Variants in TOPORS observed in about 807,000 individuals in gnomAD.
TOPORS encodes TOP1 binding arginine/serine rich protein, E3 ubiquitin ligase.
A neutral mutation model predicts 81.4 loss-of-function variants in TOPORS; 25 were observed. That is an observed-to-expected ratio of 0.31 (90% CI 0.22 to 0.43). TOPORS has a LOEUF of 0.43. Ranked by LOEUF, TOPORS falls within the 20% of genes least tolerant of loss-of-function variation. The pLI, the probability that TOPORS is intolerant of heterozygous loss-of-function variation, is 1.00. For missense variants in TOPORS, 1,101 were observed against 1,267.0 expected (o/e 0.87, Z 1.99); for synonymous variants, 473 against 456.6 (o/e 1.04, Z -0.46).
rs910357164 is a variant in TOPORS, at chr9:32,542,987, A to G, written c.1538T>C (p.Val513Ala). The G allele has an allele frequency of 3.7e-6, 6 of 1,614,040 alleles. No homozygotes were observed. The African/African-American group carries it at 5.3e-5, about 14-fold the overall frequency. ...DLGSYEKMET[V>A]KTQEQEQSYS... ...AGATTGCTCCTGTTCTTGTGTCTTC[A>G]CTGTCTCCATTTTCTCATAAGAACC... Residue 513 changes from valine (V) to alanine (A), a missense_variant, in exon 3 of 3, where the codon GTG becomes GCG. Val to Ala is a moderately conservative substitution (Grantham distance 64, BLOSUM62 0). Around this residue, in one of 9 missense-constraint regions of TOPORS, gnomAD observed 605 missense variants for 636.1 expected, o/e 0.95. Coordinates refer to ENST00000360538, the MANE Select transcript of TOPORS (RefSeq NM_005802.5).
chr9:32,543,823 A>T lies in TOPORS; in HGVS notation c.702T>A (p.Ile234=). Residue 234 remains isoleucine, a synonymous_variant, in exon 3 of 3, where the codon ATT becomes ATA. Coordinates refer to ENST00000360538, the MANE Select transcript of TOPORS (RefSeq NM_005802.5). This position sits in a 1 kb window ranked among gnomAD's most constrained non-coding sequence, Gnocchi z 5.6. The part of the protein sequence containing the change: ...DVEIPQFMRQ[I]AVRRPTTADE... ...CTGCCGTAGTTGGCCTCCTTACTGC[A>T]ATCTGTCTCATAAACTGAGGAATTT... 6.2e-7 allele frequency: 1 copy of T among 1,614,070 alleles called. No homozygotes were observed. The highest frequency in any genetic ancestry group is 8.5e-7 in the Non-Finnish European group (1 of 1,179,972).
chr9:32,552,276 G>A (rs1343434389), intron 1 of TOPORS, 158 bp downstream of exon 1: 5 of 1,038,276 alleles, frequency 4.8e-6, no homozygotes, highest in African/African-American at 3.2e-5. Context: ...CCCCAACTCC[G>A]GGCGGAAGAG....
intron 1 of TOPORS, 27 bp from the exon 2 acceptor site, chr9:32,550,995 T>C (rs1389895123): frequency 6.2e-6 from 10 of 1,606,320 alleles, no homozygotes; most frequent in South Asian, 2.2e-5. Context: ...TCATCACCAA[T>C]GGCAGCTCGG....
chr9:32,552,263 G>A (rs1821296493), intron 1 of TOPORS, 171 bp downstream of exon 1: 5 of 853,090 alleles, frequency 5.9e-6, no homozygotes, highest in African/African-American at 1.7e-5. Context: ...ACGTGATACC[G>A]CCCCCCAACT....
intron 2 of TOPORS, among the ~76,000 whole-genome samples, chr9:32,549,772 A>T (rs1821199741): frequency 6.6e-6 from 1 of 152,226 alleles, no homozygotes; most frequent in African/African-American, 2.4e-5. Context: ...AAATAGAAAG[A>T]TCACCCAAGT....
chr9:32,547,647 T>G (rs1036444307), intron 2 of TOPORS, among the ~76,000 whole-genome samples: 4 of 152,114 alleles, frequency 2.6e-5, no homozygotes, highest in African/African-American at 9.7e-5. Flanking sequence ...ATGTCCAGAA[T>G]AGGCAAATCT....
At position 32,542,363 on chromosome 9, in the gene TOPORS, C is replaced by T; in HGVS notation, c.2162G>A (p.Arg721Lys). 6.2e-7 allele frequency: 1 copy of T among 1,614,126 alleles called. No homozygotes were observed. Among genetic ancestry groups the T allele is most frequent in the African/African-American group, 1.3e-5 (1 of 75,054 alleles). ...ATGAGCTCTGGACAGAGTCCTCCTC[C>T]TGTAAGATGATTCGTACCCATCCCT... Reference protein sequence around the residue: ...KDRDGYESSYRRRTLSRAHYS... With the variant: ...KDRDGYESSYKRRTLSRAHYS... The change falls in exon 3 of 3, where the codon AGG (arginine) becomes AAG (lysine). Residue 721 changes from arginine (R) to lysine (K), a missense_variant. This residue lies in a region of TOPORS where 605 missense variants were observed against 636.1 expected (regional missense o/e 0.95). Coordinates refer to ENST00000360538, the MANE Select transcript of TOPORS (RefSeq NM_005802.5).
intron 1 of TOPORS, 110 bp from the exon 2 acceptor site, chr9:32,551,078 T>G (rs1332117693): frequency 2.3e-6 from 3 of 1,311,108 alleles, no homozygotes; most frequent in Non-Finnish European, 3.2e-6. Context: ...TCCTCACGCA[T>G]GCGCAGCAGA....
intron 1 of TOPORS, chr9:32,552,156 G>A (rs1821287157): frequency 9.8e-6 from 5 of 510,646 alleles, no homozygotes; most frequent in Non-Finnish European, 1.7e-5. Flanking sequence ...GTGGAGGTAC[G>A]CCTATCTCCT....
At chr9:32,544,801 C>G (rs1821120575) in intron 2 of TOPORS, among the ~76,000 whole-genome samples, 2 of 151,908 alleles carry the variant, frequency 1.3e-5, no homozygotes, top group African/African-American at 4.8e-5. Context: ...TGTTATGCCC[C>G]TTATCTTCCC....
chr9:32,548,733 T>C (rs1193170167), intron 2 of TOPORS, among the ~76,000 whole-genome samples: 1 of 152,176 alleles, frequency 6.6e-6, no homozygotes, highest in East Asian at 1.9e-4. Flanking sequence ...CTTCCTAAAC[T>C]GTCTCCCAAA....
rs979376046 is a variant in TOPORS at position 32,541,068 on chromosome 9, A to G, written c.*319T>C. ...AATACTCATTGACTACCTTAAAAAT[A>G]TGTCAATACCGTATGGCTTTATGAA... On this transcript the variant is annotated 3_prime_UTR_variant, in exon 3 of 3. Transcript: ENST00000360538. 1.0e-5 allele frequency: 2 copies of G among 191,326 alleles called. No individual in the cohort carries two copies. Among genetic ancestry groups the G allele is most frequent in the African/African-American group, 4.7e-5 (2 of 42,234 alleles). 11.9% of individuals were successfully genotyped at this position (191,326 alleles called of 1,614,324 possible).
rs1443396011 is a variant in TOPORS at position 32,540,552 on chromosome 9, G to A, written c.*835C>T. On this transcript the variant is annotated 3_prime_UTR_variant, in exon 3 of 3. Coordinates refer to ENST00000360538, the MANE Select transcript of TOPORS (RefSeq NM_005802.5). ...TACCAATGTAAAAGAAGTATGACAAGGGTTTTTCATGTTTATTTAGCAAGT... is the reference window on the plus strand; with the variant it reads ...TACCAATGTAAAAGAAGTATGACAAAGGTTTTTCATGTTTATTTAGCAAGT... The A allele has an allele frequency of 6.6e-6, 1 of 152,128 alleles. No homozygotes were observed. Among genetic ancestry groups the A allele is most frequent in the Non-Finnish European group, 1.5e-5 (1 of 68,026 alleles). The allele number at this position is 152,128 out of a possible 1,614,324, so 9.4% of individuals were successfully genotyped here. A position where few individuals can be genotyped will look rare whatever the true frequency, so the allele number is the denominator to read the frequency against.
In TOPORS at chr9:32,550,928, T is replaced by G. The variant is rs1323735656; in HGVS notation, c.44A>C (p.Glu15Ala). 1 of 1,612,324 alleles carries G rather than the reference T, an allele frequency of 6.2e-7. No homozygotes were observed. Among genetic ancestry groups the G allele is most frequent in the Admixed American group, 1.7e-5 (1 of 60,012 alleles). ...GGGAGCAGGCGGGGGCGCTTCACCC[T>G]CCTCGCGAGACAGCGGAGACCCCAG... is the stretch of plus-strand genomic sequence containing the variant. ...PPLGSPLSRE[E>A]GEAPPPAPAS... is the part of the protein sequence containing the mutation. Residue 15 changes from glutamate to alanine, a missense_variant, in exon 2 of 3, where the codon GAG (glutamate) becomes GCG (alanine). By Grantham distance (107) the Glu-to-Ala change is moderately radical. Coordinates refer to ENST00000360538, the MANE Select transcript of TOPORS (RefSeq NM_005802.5).
intron 2 of TOPORS, 27 bp downstream of exon 2, chr9:32,550,747 C>T (rs540679693): frequency 1.2e-6 from 2 of 1,612,092 alleles, no homozygotes; most frequent in African/African-American, 1.3e-5. Context: ...CCGACCCCCG[C>T]GTCCCATTGT....
rs1821099281 is a variant in TOPORS, at chr9:32,543,353, AC to A, written c.1171del (p.Val391SerfsTer2). 1 of 1,614,032 alleles carries A rather than the reference AC, an allele frequency of 6.2e-7. No individual in the cohort carries two copies. Among genetic ancestry groups the A allele is most frequent in the Admixed American group, 1.7e-5 (1 of 60,004 alleles). On this transcript the variant is annotated frameshift_variant, in exon 3 of 3. Transcript: ENST00000360538. LOFTEE classifies it high-confidence loss of function. The surrounding 1 kb of genome is among the most constrained non-coding windows in gnomAD (Gnocchi z 5.6). ...YEEGSHSDSS[V>X]ITISPDEAET... is the part of the protein sequence containing the mutation. Reference sequence around the variant, plus strand: ...AGCCTCATCTGGAGATATTGTTATGACTGAAGAATCAGAATGGCTGCCTTCT... The same window carrying A: ...AGCCTCATCTGGAGATATTGTTATGATGAAGAATCAGAATGGCTGCCTTCT...
In TOPORS at chr9:32,544,359, GAT is replaced by G. The variant is rs1305792717; in HGVS notation, c.199-35_199-34del. 5 of 1,587,840 alleles carry G rather than the reference GAT, an allele frequency of 3.1e-6. No individual in the cohort carries two copies. In the African/African-American group the frequency reaches 6.7e-5, roughly 21 times the overall value. On this transcript the variant is annotated intron_variant, in intron 2 of 2. Transcript: ENST00000360538. Reference sequence around the variant, plus strand: ...AGGGAAAGAAATATATCAGTAACCTGATAATAGAGGAATGACTAAATAGTCTC... The same window carrying G: ...AGGGAAAGAAATATATCAGTAACCTGAATAGAGGAATGACTAAATAGTCTC...
In TOPORS at chr9:32,543,942, G is replaced by T; in HGVS notation, c.583C>A (p.Pro195Thr). The T allele has an allele frequency of 6.2e-7, 1 of 1,614,082 alleles. No homozygotes were observed. Among genetic ancestry groups the T allele is most frequent in the Non-Finnish European group, 8.5e-7 (1 of 1,180,002 alleles). ...GTTCTTCTGTTCACAGGACCACTAGGTGAATACACAGAAGCATTTCGTTCC... is the reference window on the plus strand; with the variant it reads ...GTTCTTCTGTTCACAGGACCACTAGTTGAATACACAGAAGCATTTCGTTCC... ...TRERNASVYS[P>T]SGPVNRRTTT... Residue 195 changes from proline (P) to threonine (T), a missense_variant, in exon 3 of 3, where the codon CCT becomes ACT. This residue lies in a region of TOPORS where 120 missense variants were observed against 115.4 expected (regional missense o/e 1.04). Transcript: ENST00000360538. This position sits in a 1 kb window ranked among gnomAD's most constrained non-coding sequence, Gnocchi z 5.6.
intron 2 of TOPORS, among the ~76,000 whole-genome samples, chr9:32,548,831 G>C (rs528600327): frequency 9.2e-5 from 14 of 152,148 alleles, no homozygotes; most frequent in African/African-American, 3.4e-4. Context: ...GCTTTAACAA[G>C]GATAATAACA....
Sources: allele counts gnomAD v4.1 joint callset (sites outside exome capture counted in the v4.1 genomes callset), GRCh38; gene constraint gnomAD v4.1.1; regional missense constraint gnomAD v4.1.1; non-coding constraint Gnocchi (gnomAD v3.1); transcripts MANE v1.5; gene names NCBI Gene and HGNC (gene_info 2026-07-23, HGNC 2026-07-21).